ATP8B4: variants seen among roughly 807,000 people sequenced by gnomAD.
ATP8B4 encodes probable phospholipid-transporting ATPase IM.
A neutral mutation model predicts 145.6 loss-of-function variants in ATP8B4; 133 were observed. The ratio of observed to expected loss-of-function variants is 0.91; its 90% CI spans 0.79 to 1.05. The LOEUF is 1.05. ATP8B4 is among the 50% of genes least tolerant of loss of function. The pLI, the probability that ATP8B4 is intolerant of heterozygous loss-of-function variation, is 0.00. For missense variants in ATP8B4, 1,458 were observed against 1,425.2 expected (o/e 1.02, Z -0.37); for synonymous variants, 507 against 492.9 (o/e 1.03, Z -0.38).
intron 18 of ATP8B4, among the ~76,000 whole-genome samples, chr15:49,919,622 C>T (rs1184279887): frequency 2.6e-5 from 4 of 151,920 alleles, no homozygotes; most frequent in Non-Finnish European, 2.9e-5. Context: ...TTTCACCATG[C>T]TAGCCAGGAT....
chr15:50,024,291 A>T (rs12916581), intron 6 of ATP8B4, among the ~76,000 whole-genome samples: 10,371 of 152,242 alleles, frequency 0.068, 364 homozygotes, highest in South Asian at 0.12. Flanking sequence ...CCTAGAAAGA[A>T]AAAAACCTCA....
chr15:50,070,418 T>A (rs1475708367), intron 3 of ATP8B4, among the ~76,000 whole-genome samples: 1 of 152,216 alleles, frequency 6.6e-6, no homozygotes. Context: ...ATAACTGTAT[T>A]AAATAGGTAC....
chr15:50,111,952 G>C (rs1427442032), intron 1 of ATP8B4, among the ~76,000 whole-genome samples: 1 of 152,142 alleles, frequency 6.6e-6, no homozygotes, highest in Non-Finnish European at 1.5e-5. Flanking sequence ...AGGATTGTTT[G>C]AATCCAGAAG....
At chr15:50,042,063 G>C (rs1433701346) in intron 5 of ATP8B4, among the ~76,000 whole-genome samples, 2 of 151,758 alleles carry the variant, frequency 1.3e-5, no homozygotes, top group African/African-American at 4.8e-5. Context: ...GCTGAGGCAA[G>C]AGAATTGCTT....
intron 3 of ATP8B4, among the ~76,000 whole-genome samples, chr15:50,064,505 C>A (rs911774712): frequency 1.3e-5 from 2 of 152,166 alleles, no homozygotes; most frequent in Non-Finnish European, 2.9e-5. Flanking sequence ...AACTACAACA[C>A]TACCTCCGTG....
intron 6 of ATP8B4, among the ~76,000 whole-genome samples, chr15:50,029,540 T>C (rs186950682): frequency 6.6e-4 from 101 of 152,330 alleles, no homozygotes; most frequent in African/African-American, 2.4e-3. Flanking sequence ...TAATCCAGGA[T>C]GATCTTACCT....
At chr15:50,065,265 G>A (rs2153627610) in intron 3 of ATP8B4, among the ~76,000 whole-genome samples, 1 of 152,232 alleles carries the variant, frequency 6.6e-6, no homozygotes. Context: ...AAAATCAGGT[G>A]TAAAATGTGA....
intron 17 of ATP8B4, 35 bp downstream of exon 17, chr15:49,923,344 G>A (rs1342582285): frequency 7.0e-7 from 1 of 1,433,056 alleles, no homozygotes; most frequent in African/African-American, 1.4e-5. Context: ...ATGGCAAAAG[G>A]GCCATTGTGC....
intron 3 of ATP8B4, among the ~76,000 whole-genome samples, chr15:50,062,740 G>A (rs1233551055): frequency 3.9e-5 from 6 of 152,074 alleles, no homozygotes; most frequent in Non-Finnish European, 5.9e-5. Flanking sequence ...AGCACAACAT[G>A]CAGTTTATTA....
At chr15:49,961,019 G>A (rs1314905443) in intron 14 of ATP8B4, among the ~76,000 whole-genome samples, 1 of 152,118 alleles carries the variant, frequency 6.6e-6, no homozygotes, top group East Asian at 1.9e-4. Flanking sequence ...TGTAGTCCCA[G>A]CTACTCGGGA....
chr15:49,888,417 A>G (rs2036448211), intron 23 of ATP8B4, among the ~76,000 whole-genome samples: 1 of 144,564 alleles, frequency 6.9e-6, no homozygotes, highest in Non-Finnish European at 1.6e-5. Flanking sequence ...TCCATATCAC[A>G]GTAGAATTGA....
chr15:50,135,949 T>C (rs2044115851), intron 1 of ATP8B4, among the ~76,000 whole-genome samples: 1 of 152,244 alleles, frequency 6.6e-6, no homozygotes, highest in Non-Finnish European at 1.5e-5. Flanking sequence ...TTCATGTACA[T>C]TTCAATGAAA....
intron 23 of ATP8B4, among the ~76,000 whole-genome samples, chr15:49,888,969 C>T (rs566593598): frequency 5.3e-5 from 8 of 152,084 alleles, no homozygotes; most frequent in African/African-American, 9.7e-5. Context: ...TGACACACCC[C>T]GCAAGTCATG....
intron 24 of ATP8B4, 32 bp from the exon 25 acceptor site, chr15:49,876,555 G>C (rs777912776): frequency 6.2e-7 from 1 of 1,612,874 alleles, no homozygotes; most frequent in Non-Finnish European, 8.5e-7. Context: ...AGTGGAGAAG[G>C]ATTAAAAAGA....
chr15:50,116,439 AAAT>A (rs1469253615), intron 1 of ATP8B4, among the ~76,000 whole-genome samples: 1 of 152,168 alleles, frequency 6.6e-6, no homozygotes, highest in Non-Finnish European at 1.5e-5. Flanking sequence ...TGGGATGAAA[AAAT>A]AATGTATTTA....
At chr15:49,966,901 G>A (rs1176785057) in intron 13 of ATP8B4, among the ~76,000 whole-genome samples, 1 of 152,146 alleles carries the variant, frequency 6.6e-6, no homozygotes, top group Non-Finnish European at 1.5e-5. Context: ...GCCCCTCTGG[G>A]ACAAAGCTTC....
At chr15:49,889,783 T>A (rs2153420849) in intron 23 of ATP8B4, among the ~76,000 whole-genome samples, 1 of 152,330 alleles carries the variant, frequency 6.6e-6, no homozygotes, top group South Asian at 2.1e-4. Flanking sequence ...ACATGTCACT[T>A]CATTAAATAA....
At chr15:49,871,278 C>G (rs759677916) in intron 25 of ATP8B4, among the ~76,000 whole-genome samples, 5 of 152,108 alleles carry the variant, frequency 3.3e-5, no homozygotes, top group Non-Finnish European at 7.4e-5. Context: ...CCAGTGTTTC[C>G]TTTACGCTCA....
intron 16 of ATP8B4, among the ~76,000 whole-genome samples, chr15:49,927,451 T>A (rs756899585): frequency 6.6e-6 from 1 of 152,104 alleles, no homozygotes; most frequent in East Asian, 1.9e-4. Context: ...CTTGTTATCA[T>A]GCAAAGACTT....
Sources: allele counts gnomAD v4.1 joint callset (sites outside exome capture counted in the v4.1 genomes callset), GRCh38; gene constraint gnomAD v4.1.1; transcripts MANE v1.5; gene names NCBI Gene and HGNC (gene_info 2026-07-23, HGNC 2026-07-21).